The following RSF1 variants were observed in gnomAD, a reference collection of about 807,000 sequenced individuals.
The protein encoded by RSF1 is HBV pX-associated protein 8.
In RSF1, 13 loss-of-function variants were observed where a neutral mutation model predicts 145.2. The ratio of observed to expected loss-of-function variants is 0.09; its 90% CI spans 0.06 to 0.14. The LOEUF is 0.14. Ranked by LOEUF, RSF1 falls within the 10% of genes least tolerant of loss-of-function variation. The pLI, the probability that RSF1 is intolerant of heterozygous loss-of-function variation, is 1.00. For missense variants in RSF1, 1,517 were observed against 1,718.2 expected (o/e 0.88, Z 2.07); for synonymous variants, 577 against 592.6 (o/e 0.97, Z 0.38).
At chr11:77,707,282 G>T (rs1286085811) in intron 5 of RSF1, among the ~76,000 whole-genome samples, 1 of 152,114 alleles carries the variant, frequency 6.6e-6, no homozygotes, top group African/African-American at 2.4e-5. Flanking sequence ...CTAAATGTTG[G>T]CAAATAACAT....
intron 5 of RSF1, among the ~76,000 whole-genome samples, chr11:77,722,948 A>G: frequency 6.6e-6 from 1 of 152,234 alleles, no homozygotes; most frequent in East Asian, 1.9e-4. Flanking sequence ...GAGGTCTTGT[A>G]TTAGAAATAA....
chr11:77,716,735 C>T (rs1208524487), intron 5 of RSF1, among the ~76,000 whole-genome samples: 2 of 152,160 alleles, frequency 1.3e-5, no homozygotes, highest in Admixed American at 6.5e-5. Flanking sequence ...CTGAAAATTG[C>T]TAGGACAGGA....
chr11:77,736,376 C>T (rs1389868783), intron 4 of RSF1, among the ~76,000 whole-genome samples: 2 of 152,140 alleles, frequency 1.3e-5, no homozygotes, highest in African/African-American at 4.8e-5. Context: ...TGGTTGTTCC[C>T]ATAATGGACT....
chr11:77,833,638 C>G, the RSF1 span, among the ~76,000 whole-genome samples: 1 of 152,166 alleles, frequency 6.6e-6, no homozygotes, highest in Non-Finnish European at 1.5e-5. Context: ...GACTCCTGCT[C>G]TATGAATCTT....
intron 4 of RSF1, among the ~76,000 whole-genome samples, chr11:77,730,758 G>C (rs138688335): frequency 1.3e-5 from 2 of 152,146 alleles, no homozygotes; most frequent in Non-Finnish European, 2.9e-5. Context: ...TGATGGTTTT[G>C]AAAACAGGAG....
intron 5 of RSF1, among the ~76,000 whole-genome samples, chr11:77,719,054 TG>T (rs1960885156): frequency 6.6e-6 from 1 of 151,910 alleles, no homozygotes; most frequent in Non-Finnish European, 1.5e-5. Context: ...TGAGACCAGA[TG>T]GGGCAACATA....
Position 77,791,832 on chromosome 11 carries a change from C to T in RSF1, c.188-27143G>A, listed in dbSNP as rs560264494. 5.3e-5 allele frequency among the ~76,000 whole-genome samples: 8 copies of T among 152,272 alleles called. No homozygotes were observed. The South Asian group carries it at 1.5e-3, about 28-fold the overall frequency. On this transcript the variant is annotated intron_variant, in intron 1 of 15. Coordinates refer to ENST00000308488, the MANE Select transcript of RSF1 (RefSeq NM_016578.4). ...ATCGCTATCAGGCTTTTGGTCAAAGCCATTCATCAAGTCTCTAGGAAGTTC... is the reference window on the plus strand; with the variant it reads ...ATCGCTATCAGGCTTTTGGTCAAAGTCATTCATCAAGTCTCTAGGAAGTTC...
chr11:77,788,165 A>AAAAAAAAAAAAAAAAAAC (rs1948478128), intron 1 of RSF1, among the ~76,000 whole-genome samples: 1 of 137,654 alleles, frequency 7.3e-6, no homozygotes, highest in Non-Finnish European at 1.6e-5. Context: ...AAAAAAAAAA[A>AAAAAAAAAAAAAAAAAAC]AAAAAAAAAA....
chr11:77,709,705 A>T (rs773517680), intron 5 of RSF1, among the ~76,000 whole-genome samples: 14 of 151,504 alleles, frequency 9.2e-5, no homozygotes, highest in South Asian at 4.2e-4. Flanking sequence ...TTTTTTTTTT[A>T]AATGTTTTTT....
At chr11:77,812,160 C>T (rs1484356311) in intron 1 of RSF1, among the ~76,000 whole-genome samples, 2 of 152,142 alleles carry the variant, frequency 1.3e-5, no homozygotes, top group African/African-American at 4.8e-5. Context: ...GCCTGGGTGA[C>T]AGAGTGAGAC....
the RSF1 span, among the ~76,000 whole-genome samples, chr11:77,840,182 G>T: frequency 6.6e-6 from 1 of 151,984 alleles, no homozygotes; most frequent in Non-Finnish European, 1.5e-5. Flanking sequence ...TGAAAACTAG[G>T]TATCTGGGGT....
At chr11:77,671,921 A>G in intron 15 of RSF1, 121 bp downstream of exon 15, 1 of 908,880 alleles carries the variant, frequency 1.1e-6, no homozygotes, top group Admixed American at 2.8e-5. Flanking sequence ...GGCGTGAGCC[A>G]CCATGCCTGG....
intron 2 of RSF1, among the ~76,000 whole-genome samples, chr11:77,747,754 T>C (rs59857303): frequency 0.028 from 4,312 of 152,266 alleles, 192 homozygotes; most frequent in African/African-American, 0.098. Flanking sequence ...AAACTTTCTC[T>C]CATTTCAGCA....
intron 4 of RSF1, among the ~76,000 whole-genome samples, chr11:77,735,660 C>G (rs1961331123): frequency 6.6e-6 from 1 of 152,080 alleles, no homozygotes; most frequent in African/African-American, 2.4e-5. Flanking sequence ...AGAAAAGCAC[C>G]TAAATGCAAC....
intron 3 of RSF1, among the ~76,000 whole-genome samples, chr11:77,743,376 T>A (rs1484623613): frequency 3.3e-5 from 5 of 152,232 alleles, no homozygotes; most frequent in Non-Finnish European, 5.9e-5. Context: ...ACACAGGACA[T>A]CTTTTCATTT....
chr11:77,729,786 A>G (rs532447204), intron 4 of RSF1, among the ~76,000 whole-genome samples: 17 of 151,834 alleles, frequency 1.1e-4, no homozygotes, highest in Non-Finnish European at 2.4e-4. Context: ...TACAGAGCAT[A>G]AAACAGTATA....
chr11:77,765,135 TA>T (rs71949773), intron 1 of RSF1, among the ~76,000 whole-genome samples: 38,294 of 147,728 alleles, frequency 0.26, 5,520 homozygotes, highest in South Asian at 0.49. Context: ...AATAGTTTGT[TA>T]AAAAAAAAAA....
At chr11:77,742,780 A>G (rs867773423) in intron 3 of RSF1, among the ~76,000 whole-genome samples, 1 of 152,148 alleles carries the variant, frequency 6.6e-6, no homozygotes, top group African/African-American at 2.4e-5. Flanking sequence ...TGTCTACTGA[A>G]GTCCTTTGCC....
At chr11:77,870,696 A>G in the RSF1 span, among the ~76,000 whole-genome samples, 3 of 152,158 alleles carry the variant, frequency 2.0e-5, no homozygotes, top group East Asian at 3.8e-4. Context: ...TAAAAATTCA[A>G]TGCAGAAATG....
Sources: allele counts gnomAD v4.1 joint callset (sites outside exome capture counted in the v4.1 genomes callset), GRCh38; gene constraint gnomAD v4.1.1; transcripts MANE v1.5; gene names NCBI Gene and HGNC (gene_info 2026-07-23, HGNC 2026-07-21).